The following TLN1 variants were observed in gnomAD, a reference collection of about 807,000 sequenced individuals.
TLN1 encodes talin 1.
TLN1 carries 56 observed loss-of-function variants against 292.3 expected under a neutral mutation model. The ratio of observed to expected loss-of-function variants is 0.19; its 90% CI spans 0.15 to 0.24. The LOEUF (loss-of-function observed/expected upper bound fraction) is 0.24, where lower values mean the gene tolerates loss of function less well. TLN1 is among the 10% of genes least tolerant of loss of function. The pLI is 1.00. For missense variants in TLN1, 2,433 were observed against 3,248.2 expected, an observed-to-expected ratio of 0.75 and a Z score of 6.10; for synonymous variants, 1,119 against 1,253.7, an observed-to-expected ratio of 0.89 and a Z score of 2.27.
chr9:35,711,527 GTCAC>G, intron 29 of TLN1, 64 bp downstream of exon 29: 1 of 1,609,316 alleles, frequency 6.2e-7, no homozygotes, highest in African/African-American at 1.3e-5. Flanking sequence ...GTCAGGACTG[GTCAC>G]TCAACTGCCT....
At chr9:35,715,468 T>C (rs911150329) in intron 20 of TLN1, among the ~76,000 whole-genome samples, 2 of 152,170 alleles carry the variant, frequency 1.3e-5, no homozygotes, top group Admixed American at 6.6e-5. Context: ...GTGAGGTGAG[T>C]AGGGCTTCCT....
chr9:35,729,895 T>C (rs1316027282), intron 1 of TLN1, among the ~76,000 whole-genome samples: 2 of 151,188 alleles, frequency 1.3e-5, no homozygotes, highest in East Asian at 1.9e-4. Context: ...ATATGATTAG[T>C]AGCCACTAGG....
chr9:35,699,408 C>T lies in TLN1; in HGVS notation c.6822G>A (p.Lys2274=). 2.5e-6 allele frequency: 4 copies of T among 1,614,062 alleles called. No individual in the cohort carries two copies. The highest frequency in any genetic ancestry group is 3.4e-6 in the Non-Finnish European group (4 of 1,179,938). Reference sequence around the variant, plus strand: ...GCTCAGTGACGGAACCAGCCACACGCTTTGAATGTCCTGTCAACTGCTGCT... The same window carrying T: ...GCTCAGTGACGGAACCAGCCACACGTTTTGAATGTCCTGTCAACTGCTGCT... ...ELKQQLTGHS[K]RVAGSVTELI... The change falls in exon 51 of 57, where the codon AAG becomes AAA. Residue 2274 remains lysine (K), a synonymous_variant. Coordinates refer to ENST00000314888, the MANE Select transcript of TLN1 (RefSeq NM_006289.4). This position sits in a 1 kb window ranked among gnomAD's most constrained non-coding sequence, Gnocchi z 4.0.
Position 35,711,078 on chromosome 9 carries a change from C to A in TLN1, c.4024G>T (p.Val1342Leu). ...KSQLAAAARA[V>L]TDSINQLITM... Reference sequence around the variant, plus strand: ...ATGAGCTGATTGATGCTGTCAGTTACTGCCCTGGGAGTGACAGAAAGTTGA... The same window carrying A: ...ATGAGCTGATTGATGCTGTCAGTTAATGCCCTGGGAGTGACAGAAAGTTGA... Residue 1342 changes from valine (V) to leucine (L), a missense_variant, in exon 31 of 57, where the codon GTA becomes TTA. Coordinates refer to ENST00000314888, the MANE Select transcript of TLN1 (RefSeq NM_006289.4). The A allele has an allele frequency of 6.2e-7, 1 of 1,614,204 alleles. No individual in the cohort carries two copies. The highest frequency in any genetic ancestry group is 8.5e-7 in the Non-Finnish European group (1 of 1,180,018).
At position 35,699,715 on chromosome 9, in the gene TLN1, G is replaced by A. The variant is rs1188280929; in HGVS notation, c.6769-254C>T. 1.0e-6 allele frequency: 1 copy of A among 984,726 alleles called. No individual in the cohort carries two copies. Among genetic ancestry groups the A allele is most frequent in the Non-Finnish European group, 1.2e-6 (1 of 829,464 alleles). 61.0% of individuals were successfully genotyped at this position (984,726 alleles called of 1,614,324 possible). On this transcript the variant is annotated intron_variant, in intron 50 of 56. Coordinates refer to ENST00000314888, the MANE Select transcript of TLN1 (RefSeq NM_006289.4). The surrounding 1 kb of genome is among the most constrained non-coding windows in gnomAD (Gnocchi z 4.0). The stretch of plus-strand genomic sequence containing the variant: ...TGAGATGAAAGAGGAGACGACGAAA[G>A]TAGAGAAGGGGGTGGTCAGGTGGGA...
chr9:35,729,759 G>A (rs555863824), intron 1 of TLN1, among the ~76,000 whole-genome samples: 1 of 152,294 alleles, frequency 6.6e-6, no homozygotes, highest in South Asian at 2.1e-4. Context: ...CCACTTTAGC[G>A]GCTGGGGCAG....
rs988162039 is a variant in TLN1, at chr9:35,710,632, G to C, written c.4255C>G (p.Leu1419Val). 6.2e-6 allele frequency: 10 copies of C among 1,614,230 alleles called. No homozygotes were observed. Among genetic ancestry groups the C allele is most frequent in the Non-Finnish European group, 7.6e-6 (9 of 1,180,040 alleles). ...GISQNAKNGN[L>V]PEFGDAISTA... ...GAAATGGCATCTCCAAACTCTGGCA[G>C]GTTTCCGTTCTTGGCATTTTGGGAG... The change falls in exon 33 of 57, where the codon CTG (leucine) becomes GTG (valine). Residue 1419 changes from leucine to valine, a missense_variant. By Grantham distance (32) the Leu-to-Val change is conservative (BLOSUM62 1). Transcript: ENST00000314888.
rs1182345730 is a variant in TLN1 at position 35,706,451 on chromosome 9, TTG to T, written c.5187_5188del (p.His1729GlnfsTer10). 6.2e-7 allele frequency: 1 copy of T among 1,613,982 alleles called. No individual in the cohort carries two copies. Among genetic ancestry groups the T allele is most frequent in the Non-Finnish European group, 8.5e-7 (1 of 1,180,002 alleles). On this transcript the variant is annotated frameshift_variant and splice_region_variant, in exon 39 of 57. Coordinates refer to ENST00000314888, the MANE Select transcript of TLN1 (RefSeq NM_006289.4). LOFTEE classifies it high-confidence loss of function. The surrounding 1 kb of genome is among the most constrained non-coding windows in gnomAD (Gnocchi z 4.2). Reference sequence around the variant, plus strand: ...CTTCCCATGAGTCTCCATAGGTACCTTGTGTCCCAGCTGGGAGGCTTCAGCCC... The same window carrying T: ...CTTCCCATGAGTCTCCATAGGTACCTTGTCCCAGCTGGGAGGCTTCAGCCC...
At chr9:35,720,623 C>CTT in intron 11 of TLN1, 114 bp from the exon 12 acceptor site, 1 of 1,028,768 alleles carries the variant, frequency 9.7e-7, no homozygotes, top group Non-Finnish European at 1.4e-6. Context: ...GTGTCCATTT[C>CTT]TTTTTCTTTT....
Position 35,719,528 on chromosome 9 carries a change from G to T in TLN1, c.1678C>A (p.Leu560Met). 1.2e-6 allele frequency: 2 copies of T among 1,613,974 alleles called. No individual in the cohort carries two copies. Among genetic ancestry groups the T allele is most frequent in the Non-Finnish European group, 1.7e-6 (2 of 1,179,910 alleles). Residue 560 changes from leucine to methionine, a missense_variant, in exon 15 of 57, where the codon CTG (leucine) becomes ATG (methionine). By Grantham distance (15) the Leu-to-Met change is conservative. Around this residue, in one of 7 missense-constraint regions of TLN1, gnomAD observed 617 missense variants for 770.6 expected, o/e 0.80. Coordinates refer to ENST00000314888, the MANE Select transcript of TLN1 (RefSeq NM_006289.4). This position sits in a 1 kb window ranked among gnomAD's most constrained non-coding sequence, Gnocchi z 4.6. ...ITAGTASVVNLTAGDPAETDY... is the reference protein window; with the variant it reads ...ITAGTASVVNMTAGDPAETDY... Reference sequence around the variant, plus strand: ...CTAGCATCCGGCCTACCTGCTGTCAGGTTCACCACAGACGCAGTACCAGCT... The same window carrying T: ...CTAGCATCCGGCCTACCTGCTGTCATGTTCACCACAGACGCAGTACCAGCT...
At chr9:35,710,222 CAAAAAAAAAAA>C (rs68036045) in intron 33 of TLN1, among the ~76,000 whole-genome samples, 14 of 67,266 alleles carry the variant, frequency 2.1e-4, no homozygotes, top group African/African-American at 6.5e-4. Flanking sequence ...AACGCTGTCT[CAAAAAAAAAAA>C]AAAAAAAAAA....
intron 48 of TLN1, among the ~76,000 whole-genome samples, chr9:35,703,328 T>C (rs1825499738): frequency 6.6e-6 from 1 of 151,828 alleles, no homozygotes; most frequent in African/African-American, 2.4e-5. Flanking sequence ...GAAGATGCCA[T>C]GTGAAATGGA....
At chr9:35,711,982 C>T (rs1376428935) in intron 28 of TLN1, 23 bp downstream of exon 28, 2 of 1,611,826 alleles carry the variant, frequency 1.2e-6, no homozygotes, top group South Asian at 2.2e-5. Flanking sequence ...CCTACGTTCC[C>T]CCACCCCCTA....
rs1825938445 is a variant in TLN1, at chr9:35,724,719, T to A, written c.364A>T (p.Thr122Ser). The A allele has an allele frequency of 6.2e-7, 1 of 1,614,178 alleles. No individual in the cohort carries two copies. The highest frequency in any genetic ancestry group is 8.5e-7 in the Non-Finnish European group (1 of 1,180,022). ...ACCAATGAATATTCATCATGATTGG[T>A]GATGCCTGAGGAAGGAGATGGCTTG... Reference protein sequence around the residue: ...LMTICARIGITNHDEYSLVRE... With the variant: ...LMTICARIGISNHDEYSLVRE... Residue 122 changes from threonine (T) to serine (S), a missense_variant, in exon 5 of 57, where the codon ACC becomes TCC. Coordinates refer to ENST00000314888, the MANE Select transcript of TLN1 (RefSeq NM_006289.4). The surrounding 1 kb of genome is among the most constrained non-coding windows in gnomAD (Gnocchi z 4.7).
At position 35,719,493 on chromosome 9, in the gene TLN1, C is replaced by T. The variant is rs772178235; in HGVS notation, c.1687+26G>A. 3 of 1,598,532 alleles carry T rather than the reference C, an allele frequency of 1.9e-6. No individual in the cohort carries two copies. The highest frequency in any genetic ancestry group is 2.2e-5 in the East Asian group (1 of 44,792). On this transcript the variant is annotated intron_variant, in intron 15 of 56. Transcript: ENST00000314888. This position sits in a 1 kb window ranked among gnomAD's most constrained non-coding sequence, Gnocchi z 4.6. ...ACTTGCACCCCCTCTCCCCATCACA[C>T]ACCCGGAAGCTAGCATCCGGCCTAC...
Position 35,698,445 on chromosome 9 carries a change from C to A in TLN1, c.7249G>T (p.Gly2417Cys). The change falls in exon 55 of 57, where the codon GGC (glycine) becomes TGC (cysteine). Residue 2417 changes from glycine (G) to cysteine (C), a missense_variant. Gly to Cys is a radical substitution (Grantham distance 159, BLOSUM62 -3). Coordinates refer to ENST00000314888, the MANE Select transcript of TLN1 (RefSeq NM_006289.4). This position sits in a 1 kb window ranked among gnomAD's most constrained non-coding sequence, Gnocchi z 5.3. The stretch of plus-strand genomic sequence containing the variant: ...ATGAGCTTCTCCTGGCTGGCATGGC[C>A]TTGTACAGCTGCATTGGCTGCCTCA... ...LCEAANAAVQ[G>C]HASQEKLISS... 1 of 1,614,092 alleles carries A rather than the reference C, an allele frequency of 6.2e-7. No homozygotes were observed. Among genetic ancestry groups the A allele is most frequent in the Non-Finnish European group, 8.5e-7 (1 of 1,180,010 alleles).
rs1825847166 is a variant in TLN1 at position 35,719,684 on chromosome 9, T to C, written c.1578+56A>G. On this transcript the variant is annotated intron_variant, in intron 14 of 56. Coordinates refer to ENST00000314888, the MANE Select transcript of TLN1 (RefSeq NM_006289.4). This position sits in a 1 kb window ranked among gnomAD's most constrained non-coding sequence, Gnocchi z 4.6. ...GCCCTGGTTTGGTTCACCTCATCCC[T>C]ATCCCTTGGAGTCTCAGCTTCAGTA... The C allele has an allele frequency of 3.1e-6, 5 of 1,611,700 alleles. No homozygotes were observed. In the African/African-American group the frequency reaches 5.3e-5, roughly 17 times the overall value.
At chr9:35,710,087 G>A (rs1484171656) in intron 33 of TLN1, among the ~76,000 whole-genome samples, 3 of 146,878 alleles carry the variant, frequency 2.0e-5, no homozygotes, top group Non-Finnish European at 4.5e-5. Flanking sequence ...GCCGGGTGTG[G>A]TGGTGAGCGC....
At chr9:35,705,409 C>T (rs1825546632) in intron 43 of TLN1, 142 bp downstream of exon 43, 1 of 822,418 alleles carries the variant, frequency 1.2e-6, no homozygotes, top group African/African-American at 1.7e-5. Flanking sequence ...CTACCCAGAG[C>T]CTCACTAGTC....
Sources: allele counts gnomAD v4.1 joint callset (sites outside exome capture counted in the v4.1 genomes callset), GRCh38; gene constraint gnomAD v4.1.1; regional missense constraint gnomAD v4.1.1; non-coding constraint Gnocchi (gnomAD v3.1); transcripts MANE v1.5; gene names NCBI Gene and HGNC (gene_info 2026-07-23, HGNC 2026-07-21).